DYM: variants seen among roughly 807,000 people sequenced by gnomAD.
DYM encodes the protein dyggve-Melchior-Clausen syndrome protein.
A neutral mutation model predicts 93.1 loss-of-function variants in DYM; 78 were observed. The ratio of observed to expected loss-of-function variants is 0.84; its 90% CI spans 0.70 to 1.01. The LOEUF (loss-of-function observed/expected upper bound fraction) is 1.01. Among genes scored for constraint, DYM ranks in the 50% least tolerant of loss-of-function variants. The probability of loss-of-function intolerance (pLI) is 0.00; values close to 1 mark genes in which losing one functional copy is unlikely to be tolerated. For synonymous variants in DYM, 321 were observed against 319.7 expected (o/e 1.00, Z -0.04); for missense variants, 789 against 845.0 (o/e 0.93, Z 0.82).
At chr18:49,366,892 T>C (rs1354542153) in intron 5 of DYM, among the ~76,000 whole-genome samples, 1 of 152,118 alleles carries the variant, frequency 6.6e-6, no homozygotes, top group African/African-American at 2.4e-5. Flanking sequence ...AAGGCTCAGA[T>C]AGGTTAGTTT....
At chr18:49,235,318 A>AT (rs1193504437) in intron 13 of DYM, among the ~76,000 whole-genome samples, 1 of 152,222 alleles carries the variant, frequency 6.6e-6, no homozygotes, top group Non-Finnish European at 1.5e-5. Flanking sequence ...AGATACTCAG[A>AT]TTTTAGGTTT....
chr18:49,161,897 A>T (rs1483620245), intron 15 of DYM, among the ~76,000 whole-genome samples: 1 of 152,214 alleles, frequency 6.6e-6, no homozygotes, highest in East Asian at 1.9e-4. Flanking sequence ...GGAAAGAAGC[A>T]AGGCAACTCT....
At chr18:49,335,039 G>A (rs551246554) in intron 6 of DYM, among the ~76,000 whole-genome samples, 4 of 152,182 alleles carry the variant, frequency 2.6e-5, no homozygotes, top group East Asian at 1.9e-4. Context: ...CCTGGGAGGC[G>A]GAAGTTGCAG....
intron 1 of DYM, among the ~76,000 whole-genome samples, chr18:49,433,067 A>T (rs1008433427): frequency 6.6e-6 from 1 of 152,132 alleles, no homozygotes. Flanking sequence ...GCCAAGAAAA[A>T]GGAAGAAATT....
intron 14 of DYM, among the ~76,000 whole-genome samples, chr18:49,164,864 C>CA (rs2145107051): frequency 6.6e-6 from 1 of 152,208 alleles, no homozygotes; most frequent in South Asian, 2.1e-4. Context: ...TTCTAGAGTG[C>CA]AAATTACTTT....
chr18:49,183,260 T>C (rs1432003418), intron 14 of DYM, among the ~76,000 whole-genome samples: 1 of 152,210 alleles, frequency 6.6e-6, no homozygotes, highest in Non-Finnish European at 1.5e-5. Flanking sequence ...ATGCCAGTCA[T>C]TGATAGTCTT....
chr18:49,062,209 T>C (rs1189758923), intron 17 of DYM, among the ~76,000 whole-genome samples: 6 of 152,202 alleles, frequency 3.9e-5, no homozygotes, highest in Non-Finnish European at 8.8e-5. Context: ...AATACACATT[T>C]CTGAAGGAAG....
chr18:49,432,599 A>ATTT lies in DYM; in HGVS notation c.-53-2155_-53-2153dup, dbSNP rs35279467. On this transcript the variant is annotated intron_variant, in intron 1 of 17. Transcript: ENST00000675505. ...ATTCATAGCTAGTACCAGCATTAAA[A>ATTT]TTTTTTTTTTTTTTTTTTTTTTAAG... Among the ~76,000 whole-genome samples, 57 of 129,554 alleles carry ATTT rather than the reference A, an allele frequency of 4.4e-4. No individual in the cohort carries two copies. The Middle Eastern group carries it at 0.017, about 38-fold the overall frequency. The allele number at this position is 129,554 out of a possible 152,430, so 85.0% of individuals were successfully genotyped here. A position where few individuals can be genotyped will look rare whatever the true frequency, so the allele number is the denominator to read the frequency against.
At chr18:49,070,002 C>T (rs1277188468) in intron 17 of DYM, among the ~76,000 whole-genome samples, 2 of 152,190 alleles carry the variant, frequency 1.3e-5, no homozygotes, top group Non-Finnish European at 2.9e-5. Flanking sequence ...GATCGCGCCA[C>T]AGCACTCCCG....
At chr18:49,219,581 A>G (rs974663265) in intron 13 of DYM, among the ~76,000 whole-genome samples, 4 of 151,966 alleles carry the variant, frequency 2.6e-5, no homozygotes, top group Non-Finnish European at 5.9e-5. Context: ...CTTCATCCCT[A>G]GGATGCAAGG....
intron 2 of DYM, among the ~76,000 whole-genome samples, chr18:49,412,624 A>C (rs1465958160): frequency 6.6e-6 from 1 of 152,214 alleles, no homozygotes; most frequent in Non-Finnish European, 1.5e-5. Context: ...AAGTTAAAAC[A>C]GAATTTAGAA....
At chr18:49,061,505 G>A (rs2075982078) in intron 17 of DYM, among the ~76,000 whole-genome samples, 2 of 152,224 alleles carry the variant, frequency 1.3e-5, no homozygotes, top group South Asian at 4.1e-4. Flanking sequence ...ATACAAAGTG[G>A]GGCCACTCCA....
chr18:49,393,251 A>G (rs2069611942), intron 2 of DYM, among the ~76,000 whole-genome samples: 1 of 152,144 alleles, frequency 6.6e-6, no homozygotes, highest in African/African-American at 2.4e-5. Context: ...TGCAGCCACT[A>G]TGGCAAAAAT....
chr18:49,048,999 C>T (rs893349453), intron 17 of DYM, among the ~76,000 whole-genome samples: 1 of 152,192 alleles, frequency 6.6e-6, no homozygotes, highest in African/African-American at 2.4e-5. Context: ...CAAACAAAAT[C>T]TCAGGAACAT....
intron 17 of DYM, among the ~76,000 whole-genome samples, chr18:49,090,307 AG>A (rs1297347921): frequency 6.6e-6 from 1 of 152,206 alleles, no homozygotes; most frequent in Non-Finnish European, 1.5e-5. Context: ...CTCTCCTTTG[AG>A]GATAGAAGCC....
chr18:49,154,113 T>C (rs1403027520), intron 15 of DYM, among the ~76,000 whole-genome samples: 8 of 152,202 alleles, frequency 5.3e-5, no homozygotes, highest in Middle Eastern at 6.8e-3. Context: ...CAAATCCAAA[T>C]TGGGGGATAT....
At chr18:49,152,495 G>T (rs1016205544) in intron 15 of DYM, among the ~76,000 whole-genome samples, 13 of 152,092 alleles carry the variant, frequency 8.5e-5, no homozygotes, top group African/African-American at 2.9e-4. Context: ...GGGGGATGAG[G>T]AGTTTGCTTA....
chr18:49,140,369 G>C (rs910522150), intron 15 of DYM, among the ~76,000 whole-genome samples: 14 of 152,098 alleles, frequency 9.2e-5, no homozygotes, highest in African/African-American at 3.4e-4. Flanking sequence ...TCCTTGAAAT[G>C]GGCTGATCAC....
At chr18:49,451,091 T>C (rs536752164) in intron 1 of DYM, among the ~76,000 whole-genome samples, 9 of 152,338 alleles carry the variant, frequency 5.9e-5, no homozygotes, top group African/African-American at 2.2e-4. Context: ...GCTTGGAATA[T>C]TGCTGATCCT....
Sources: gnomAD v4.1 joint callset for allele counts (sites outside exome capture counted in the v4.1 genomes callset) on GRCh38, gnomAD v4.1.1 for gene constraint, MANE v1.5 for transcripts, NCBI Gene and HGNC (gene_info 2026-07-23, HGNC 2026-07-21) for gene names.